Variants in DNAH10 observed in about 807,000 individuals in gnomAD.
DNAH10 encodes the protein dynein axonemal heavy chain 10.
Under a neutral mutation model 506.6 loss-of-function variants are expected in DNAH10, and 348 were observed. The ratio of observed to expected loss-of-function variants is 0.69; its 90% CI spans 0.63 to 0.75. The LOEUF (loss-of-function observed/expected upper bound fraction) is 0.75. Among genes scored for constraint, DNAH10 ranks in the 30% least tolerant of loss-of-function variants. DNAH10 has a pLI of 0.00. For synonymous variants in DNAH10, 2,059 were observed against 2,198.6 expected (o/e 0.94, Z 1.78); for missense variants, 5,179 against 5,787.1 (o/e 0.89, Z 3.41).
intron 38 of DNAH10, 106 bp from the exon 39 acceptor site, chr12:123,860,906 T>C (rs1951584375): frequency 6.7e-7 from 1 of 1,495,488 alleles, no homozygotes; most frequent in Admixed American, 1.8e-5. Context: ...GCATTTTCAA[T>C]TTTGGATTAA....
chr12:123,794,097 A>G lies in DNAH10; in HGVS notation c.1971A>G (p.Ala657=), dbSNP rs952880796. 1.3e-5 allele frequency: 17 copies of G among 1,272,092 alleles called. No homozygotes were observed. Among genetic ancestry groups the G allele is most frequent in the Non-Finnish European group, 1.4e-5 (14 of 979,310 alleles). 78.8% of individuals were successfully genotyped at this position (1,272,092 alleles called of 1,614,324 possible). The change falls in exon 12 of 79, where the codon GCA becomes GCG. Residue 657 remains alanine (A), a synonymous_variant. Coordinates refer to ENST00000673944, the MANE Select transcript of DNAH10 (RefSeq NM_001372106.1). ...TGATGAAATTTAATGATATTCTTGC[A>G]CAGTACTGTAAAGAGGTAATTGAAA... ...QMMMKFNDIL[A]QYCKEIDIIN... is the part of the protein sequence containing the mutation.
At position 123,895,223 on chromosome 12, in the gene DNAH10, G is replaced by A. The variant is rs557282430; in HGVS notation, c.9280+500G>A. On this transcript the variant is annotated intron_variant, in intron 54 of 78. Transcript: ENST00000673944. The stretch of plus-strand genomic sequence containing the variant: ...ATTCTGCATTCTCATTGAATTTCTA[G>A]CGTTTCAAACACCTAAGGCCTTGGA... Among the ~76,000 whole-genome samples, 115 of 152,318 alleles carry A rather than the reference G, an allele frequency of 7.5e-4. 1 individual carries two copies. Among genetic ancestry groups the A allele is most frequent in the Middle Eastern group, 3.4e-3 (1 of 294 alleles).
intron 61 of DNAH10, 99 bp from the exon 62 acceptor site, chr12:123,914,753 G>A: frequency 6.7e-7 from 1 of 1,492,238 alleles, no homozygotes; most frequent in Non-Finnish European, 9.0e-7. Flanking sequence ...TGTGGCCTGG[G>A]GATGGGTAGA....
At chr12:123,921,701 T>G (rs1157607252) in intron 65 of DNAH10, among the ~76,000 whole-genome samples, 9 of 14,600 alleles carry the variant, frequency 6.2e-4, no homozygotes, top group Admixed American at 1.5e-3. Flanking sequence ...GTTTTTTTTT[T>G]TTTTTTTTTT....
intron 6 of DNAH10, among the ~76,000 whole-genome samples, chr12:123,781,797 A>G (rs1218150665): frequency 6.6e-6 from 1 of 151,960 alleles, no homozygotes; most frequent in Admixed American, 6.6e-5. Context: ...ATTTTTCTTC[A>G]TTGTTTTCTA....
At chr12:123,931,905 A>G in intron 75 of DNAH10, 36 bp from the exon 76 acceptor site, 2 of 1,613,116 alleles carry the variant, frequency 1.2e-6, no homozygotes, top group Non-Finnish European at 1.7e-6. Context: ...TGGGGTTCTG[A>G]TAGAGTCCTG....
intron 30 of DNAH10, 99 bp downstream of exon 30, chr12:123,841,644 A>G (rs985766758): frequency 9.7e-6 from 12 of 1,235,146 alleles, no homozygotes; most frequent in Non-Finnish European, 1.3e-5. Context: ...ATTCCAAATG[A>G]GGTTTTGTTT....
rs116440956 is a variant in DNAH10, at chr12:123,855,583, G to A, written c.6439-1473G>A. ...TGGGAGGTGGAGGCTGCAATGAGCCGAGATGGCACTATTACACTCCAGCCT... is the reference window on the plus strand; with the variant it reads ...TGGGAGGTGGAGGCTGCAATGAGCCAAGATGGCACTATTACACTCCAGCCT... On this transcript the variant is annotated intron_variant, in intron 36 of 78. Coordinates refer to ENST00000673944, the MANE Select transcript of DNAH10 (RefSeq NM_001372106.1). 5.1e-3 allele frequency among the ~76,000 whole-genome samples: 761 copies of A among 148,730 alleles called. 3 individuals are homozygous for A. Among genetic ancestry groups the A allele is most frequent in the African/African-American group, 0.018 (724 of 40,406 alleles).
chr12:123,935,208 C>T, intron 78 of DNAH10, 127 bp from the exon 79 acceptor site: 1 of 1,161,222 alleles, frequency 8.6e-7, no homozygotes, highest in Admixed American at 2.2e-5. Flanking sequence ...CAGCCCCAGC[C>T]TTGTGCGTGT....
Position 123,853,189 on chromosome 12 carries a change from T to G in DNAH10, c.6292-17T>G, listed in dbSNP as rs763292891. 1.3e-6 allele frequency: 2 copies of G among 1,562,628 alleles called. No homozygotes were observed. The highest frequency in any genetic ancestry group is 2.4e-5 in the South Asian group (2 of 83,594). On this transcript the variant is annotated splice_polypyrimidine_tract_variant and intron_variant, in intron 35 of 78. Transcript: ENST00000673944. The surrounding 1 kb of genome is among the most constrained non-coding windows in gnomAD (Gnocchi z 4.7). The stretch of plus-strand genomic sequence containing the variant: ...TCTTTTTTCTTTTTTTTTGTATTAT[T>G]ATCTTCTATCAAAAAGACTCTGGCG...
rs547338995 is a variant in DNAH10, at chr12:123,903,884, C to T, written c.9815+771C>T. 6.6e-6 allele frequency among the ~76,000 whole-genome samples: 1 copy of T among 152,324 alleles called. No homozygotes were observed. Among genetic ancestry groups the T allele is most frequent in the South Asian group, 2.1e-4 (1 of 4,832 alleles). On this transcript the variant is annotated intron_variant, in intron 57 of 78. Coordinates refer to ENST00000673944, the MANE Select transcript of DNAH10 (RefSeq NM_001372106.1). This position sits in a 1 kb window ranked among gnomAD's most constrained non-coding sequence, Gnocchi z 4.6. ...GGAGCCTCAGCTCTCTCCTTCCCCA[C>T]TCTTCATCCAGAAGGAGATCAGTCT...
intron 11 of DNAH10, among the ~76,000 whole-genome samples, chr12:123,791,110 G>A (rs1222553122): frequency 2.0e-5 from 3 of 151,938 alleles, no homozygotes; most frequent in East Asian, 1.9e-4. Flanking sequence ...CAGCCTGGGG[G>A]ACAGAGTAAG....
chr12:123,796,003 CAAAAACT>C (rs1386722212), intron 12 of DNAH10, among the ~76,000 whole-genome samples: 1 of 151,838 alleles, frequency 6.6e-6, no homozygotes, highest in African/African-American at 2.4e-5. Context: ...ACTTTACCTG[CAAAAACT>C]AAAAACTAAA....
chr12:123,929,335 T>A lies in DNAH10; in HGVS notation c.12367T>A (p.Ser4123Thr). Residue 4123 changes from serine to threonine, a missense_variant, in exon 71 of 79, where the codon TCT becomes ACT. Physicochemically the swap from Ser to Thr is moderately conservative, Grantham distance 58 (BLOSUM62 1). This residue lies in a region of DNAH10 where 4,844 missense variants were observed against 5,430.5 expected (regional missense o/e 0.89). Transcript: ENST00000673944. The stretch of plus-strand genomic sequence containing the variant: ...CATGAGGGCAACTTACTTCAAGATC[T>A]CTCACGAAATGCTGGACCAGTGCCC... ...LNMRATYFKI[S>T]HEMLDQCPHP... 6.2e-7 allele frequency: 1 copy of A among 1,608,570 alleles called. No individual in the cohort carries two copies. Among genetic ancestry groups the A allele is most frequent in the Non-Finnish European group, 8.5e-7 (1 of 1,177,524 alleles).
In DNAH10 at chr12:123,850,851, C is replaced by T. The variant is rs1191954112; in HGVS notation, c.6103-37C>T. The T allele has an allele frequency of 6.3e-7, 1 of 1,580,880 alleles. No homozygotes were observed. The highest frequency in any genetic ancestry group is 1.4e-5 in the African/African-American group (1 of 74,042). ...CCAAGGGGCTGGCCGGCCGGGCCAC[C>T]TAACTGCTTCTTTCTTTCTTCCTTC... On this transcript the variant is annotated intron_variant, in intron 34 of 78. Coordinates refer to ENST00000673944, the MANE Select transcript of DNAH10 (RefSeq NM_001372106.1). This position sits in a 1 kb window ranked among gnomAD's most constrained non-coding sequence, Gnocchi z 5.5.
intron 7 of DNAH10, 47 bp downstream of exon 7, chr12:123,783,311 A>C: frequency 2.5e-6 from 4 of 1,603,240 alleles, no homozygotes; most frequent in Non-Finnish European, 3.4e-6. Context: ...GGTCATGCTT[A>C]CCATGCTGGG....
intron 5 of DNAH10, 22 bp downstream of exon 5, chr12:123,774,286 A>C (rs1310664857): frequency 1.3e-6 from 2 of 1,525,872 alleles, no homozygotes; most frequent in South Asian, 2.4e-5. Flanking sequence ...GAAAGGAAGA[A>C]ATTCTAGTAT....
chr12:123,799,191 G>GCCGTATT, intron 13 of DNAH10, 55 bp from the exon 14 acceptor site: 1 of 1,502,208 alleles, frequency 6.7e-7, no homozygotes. Flanking sequence ...TGTAGAGCGA[G>GCCGTATT]ATGAAAAATG....
Position 123,784,159 on chromosome 12 carries a change from C to T in DNAH10, c.1212C>T (p.Thr404=), listed in dbSNP as rs377052101. The change falls in exon 8 of 79, where the codon ACC becomes ACT. Residue 404 remains threonine, a synonymous_variant. Coordinates refer to ENST00000673944, the MANE Select transcript of DNAH10 (RefSeq NM_001372106.1). Reference sequence around the variant, plus strand: ...CAGACAATGTGCGCTTTCTCTCCACCGTGGAGCGTTATTTCAAGGTATGCT... The same window carrying T: ...CAGACAATGTGCGCTTTCTCTCCACTGTGGAGCGTTATTTCAAGGTATGCT... ...EASDNVRFLS[T]VERYFKNITH... is the part of the protein sequence containing the mutation. The T allele has an allele frequency of 1.4e-5, 23 of 1,614,042 alleles. No individual in the cohort carries two copies. The highest frequency in any genetic ancestry group is 8.0e-5 in the African/African-American group (6 of 74,924).
Sources: gnomAD v4.1 joint callset for allele counts (sites outside exome capture counted in the v4.1 genomes callset) on GRCh38, gnomAD v4.1.1 for gene constraint, gnomAD v4.1.1 regional missense constraint, Gnocchi (gnomAD v3.1) non-coding constraint, MANE v1.5 for transcripts, NCBI Gene and HGNC (gene_info 2026-07-23, HGNC 2026-07-21) for gene names.